The following ARSG variants were observed in gnomAD, a reference collection of about 807,000 sequenced individuals.
ARSG encodes the protein ASG.
A neutral mutation model predicts 50.5 loss-of-function variants in ARSG; 37 were observed. The observed-to-expected ratio is 0.73, with a 90% CI of 0.56 to 0.96. The LOEUF (loss-of-function observed/expected upper bound fraction) is 0.96, where lower values mean the gene tolerates loss of function less well. Among genes scored for constraint, ARSG ranks in the 50% least tolerant of loss-of-function variants. The pLI is 0.00. For missense variants in ARSG, 629 were observed against 675.3 expected, an observed-to-expected ratio of 0.93 and a Z score of 0.76; for synonymous variants, 225 against 254.6, an observed-to-expected ratio of 0.88 and a Z score of 1.11.
the ARSG span, among the ~76,000 whole-genome samples, chr17:68,435,346 G>A: frequency 0.012 from 1,854 of 152,310 alleles, 12 homozygotes; most frequent in Middle Eastern, 0.024. Context: ...CCGTCTCTAC[G>A]GCTGATGTAC....
chr17:68,396,584 C>A (rs2081258954), intron 10 of ARSG, among the ~76,000 whole-genome samples: 1 of 152,136 alleles, frequency 6.6e-6, no homozygotes, highest in African/African-American at 2.4e-5. Flanking sequence ...TGGTGAGGGA[C>A]CCACACATCA....
In ARSG at chr17:68,272,849, T is replaced by C. The variant is rs1331453053; in HGVS notation, c.-552+13423T>C. On this transcript the variant is annotated intron_variant, in intron 1 of 11. Coordinates refer to the ARSG transcript ENST00000448504. Reference sequence around the variant, plus strand: ...GGATGCATTAAAAGATCTGGGATTTTTGGTTTTGCTTTTTGAATCTTAAGT... The same window carrying C: ...GGATGCATTAAAAGATCTGGGATTTCTGGTTTTGCTTTTTGAATCTTAAGT... 1.9e-6 allele frequency: 3 copies of C among 1,565,498 alleles called. No individual in the cohort carries two copies. The East Asian group carries it at 6.8e-5, about 35-fold the overall frequency.
intron 9 of ARSG, among the ~76,000 whole-genome samples, chr17:68,389,056 G>C (rs892994917): frequency 6.6e-6 from 1 of 152,186 alleles, no homozygotes; most frequent in African/African-American, 2.4e-5. Flanking sequence ...GTTCTGGCCT[G>C]TCCGAAGGCA....
In ARSG at chr17:68,277,790, T is replaced by C. The variant is rs936093016; in HGVS notation, c.-552+18364T>C. On this transcript the variant is annotated intron_variant, in intron 1 of 11. Transcript: ENST00000448504. Reference sequence around the variant, plus strand: ...ATCCTCACATCCTCACAAAAGGAGGTTGACTGCACTCCTTAAGGGAATCTA... The same window carrying C: ...ATCCTCACATCCTCACAAAAGGAGGCTGACTGCACTCCTTAAGGGAATCTA... Among the ~76,000 whole-genome samples, 5 of 152,172 alleles carry C rather than the reference T, an allele frequency of 3.3e-5. No homozygotes were observed. In the South Asian group the frequency reaches 6.2e-4, roughly 19 times the overall value.
intron 1 of ARSG, among the ~76,000 whole-genome samples, chr17:68,293,154 C>T (rs2076079322): frequency 6.6e-6 from 1 of 152,168 alleles, no homozygotes; most frequent in Non-Finnish European, 1.5e-5. Flanking sequence ...TATTTAGAAA[C>T]TGATTTGAAC....
At chr17:68,443,761 A>G in the ARSG span, among the ~76,000 whole-genome samples, 83 of 152,380 alleles carry the variant, frequency 5.4e-4, 1 homozygote, top group South Asian at 0.016. Flanking sequence ...CAGTTGTTCA[A>G]TGATACCAAA....
In ARSG at chr17:68,307,657, G is replaced by C; in HGVS notation, c.164G>C (p.Trp55Ser). 1 of 1,612,140 alleles carries C rather than the reference G, an allele frequency of 6.2e-7. No individual in the cohort carries two copies. The highest frequency in any genetic ancestry group is 8.5e-7 in the Non-Finnish European group (1 of 1,178,230). Residue 55 changes from tryptophan to serine, a missense_variant, in exon 2 of 12, where the codon TGG (tryptophan) becomes TCG (serine). Transcript: ENST00000621439. ...GGGTGGGGTGACCTGGGAGCAAACT[G>C]GGCAGAAACAAAGGACACTGCCAAC... is the stretch of plus-strand genomic sequence containing the variant. ...DMGWGDLGAN[W>S]AETKDTANLD...
At chr17:68,338,635 G>T (rs1007078041) in intron 2 of ARSG, among the ~76,000 whole-genome samples, 2 of 152,148 alleles carry the variant, frequency 1.3e-5, no homozygotes, top group Non-Finnish European at 2.9e-5. Context: ...GCAGTGTGAG[G>T]CAAGGTCTTT....
intron 1 of ARSG, among the ~76,000 whole-genome samples, chr17:68,296,953 G>A (rs1049204752): frequency 3.3e-5 from 5 of 152,228 alleles, no homozygotes; most frequent in African/African-American, 9.6e-5. Context: ...CTGGCAGGGC[G>A]AGGCAGAGCA....
intron 1 of ARSG, among the ~76,000 whole-genome samples, chr17:68,305,092 T>A (rs549567665): frequency 6.6e-6 from 1 of 152,336 alleles, no homozygotes; most frequent in South Asian, 2.1e-4. Context: ...AAGGATCGTT[T>A]GAACCCAGGA....
chr17:68,449,086 A>T, the ARSG span, among the ~76,000 whole-genome samples: 3 of 152,064 alleles, frequency 2.0e-5, no homozygotes, highest in Non-Finnish European at 2.9e-5. Flanking sequence ...CTCATTTGTT[A>T]AAAAAAATTA....
intron 2 of ARSG, among the ~76,000 whole-genome samples, chr17:68,329,811 C>T (rs796209955): frequency 6.6e-6 from 1 of 152,066 alleles, no homozygotes; most frequent in Non-Finnish European, 1.5e-5. Flanking sequence ...AACTGATAAG[C>T]TAAAAAAAAT....
chr17:68,339,158 G>A (rs769286949), intron 2 of ARSG, among the ~76,000 whole-genome samples: 8 of 151,928 alleles, frequency 5.3e-5, no homozygotes, highest in Non-Finnish European at 7.4e-5. Context: ...GCGTGGTGGC[G>A]CGTGCCTGTA....
chr17:68,406,267 A>T (rs2081713529), intron 11 of ARSG, among the ~76,000 whole-genome samples: 1 of 152,086 alleles, frequency 6.6e-6, no homozygotes, highest in Non-Finnish European at 1.5e-5. Context: ...TATATATCAC[A>T]GTTTCTTTAT....
intron 1 of ARSG, among the ~76,000 whole-genome samples, chr17:68,299,084 A>C (rs143856882): frequency 8.5e-4 from 129 of 150,958 alleles, no homozygotes; most frequent in African/African-American, 3.0e-3. Flanking sequence ...AAAATGACAA[A>C]GGGAAAAAAA....
the ARSG span, chr17:68,428,526 C>G: frequency 6.4e-5 from 16 of 249,844 alleles, no homozygotes; most frequent in Admixed American, 8.1e-4. Flanking sequence ...AGCCGCCACA[C>G]CTGGTGGCAG....
At chr17:68,402,731 T>C (rs891146981) in intron 11 of ARSG, among the ~76,000 whole-genome samples, 15 of 152,108 alleles carry the variant, frequency 9.9e-5, no homozygotes, top group South Asian at 6.2e-4. Flanking sequence ...TTCACCGTGT[T>C]AGCCAGGATG....
intron 1 of ARSG, chr17:68,278,217 T>C (rs2075587296): frequency 6.2e-7 from 1 of 1,614,062 alleles, no homozygotes; most frequent in African/African-American, 1.3e-5. Flanking sequence ...GGTGAAGACT[T>C]CAACGAAGAA....
intron 9 of ARSG, among the ~76,000 whole-genome samples, chr17:68,387,923 G>T (rs956851356): frequency 5.2e-4 from 79 of 152,244 alleles, no homozygotes; most frequent in African/African-American, 1.7e-3. Context: ...CATTCACATG[G>T]ATCCCATTGG....
Sources: gnomAD v4.1 joint callset for allele counts (sites outside exome capture counted in the v4.1 genomes callset) on GRCh38, gnomAD v4.1.1 for gene constraint, MANE v1.5 for transcripts, NCBI Gene and HGNC (gene_info 2026-07-23, HGNC 2026-07-21) for gene names.